The following ATE1 variants were observed in gnomAD, a reference collection of about 807,000 sequenced individuals.
The protein encoded by ATE1 is arginyl-tRNA--protein transferase 1.
Under a neutral mutation model 70.5 loss-of-function variants are expected in ATE1, and 36 were observed. The ratio of observed to expected loss-of-function variants is 0.51; its 90% CI spans 0.39 to 0.67. The LOEUF (loss-of-function observed/expected upper bound fraction) is 0.67. ATE1 is among the 30% of genes least tolerant of loss of function. The pLI is 0.00. For synonymous variants in ATE1, 232 were observed against 219.3 expected, an observed-to-expected ratio of 1.06 and a Z score of -0.51; for missense variants, 593 against 629.5, an observed-to-expected ratio of 0.94 and a Z score of 0.62.
chr10:121,885,636 G>C (rs1431753462), intron 7 of ATE1, among the ~76,000 whole-genome samples: 2 of 151,326 alleles, frequency 1.3e-5, no homozygotes. Context: ...CTCACACCTG[G>C]AATCCCAGCA....
Position 121,902,606 on chromosome 10 carries a change from A to G in ATE1, c.598T>C (p.Leu200=), listed in dbSNP as rs371949298. The G allele has an allele frequency of 2.5e-6, 4 of 1,610,350 alleles. No individual in the cohort carries two copies. The Admixed American group carries it at 6.7e-5, about 27-fold the overall frequency. Residue 200 remains leucine, a synonymous_variant, in exon 6 of 12, where the codon TTG becomes CTG. Coordinates refer to ENST00000224652, the MANE Select transcript of ATE1 (RefSeq NM_001001976.3). ...TVPKPGKGAD[L]SKPPCRKAKE... is the part of the protein sequence containing the mutation. ...GCTTTTCGACATGGAGGCTTACTCA[A>G]ATCAGCCCCTTTGCCTAAAAAGAAT...
Position 121,746,814 on chromosome 10 carries a change from T to C in ATE1, c.1379-2956A>G, listed in dbSNP as rs534983490. On this transcript the variant is annotated intron_variant, in intron 11 of 11. Coordinates refer to ENST00000224652, the MANE Select transcript of ATE1 (RefSeq NM_001001976.3). ...AGTCGTTGCTTTCTCTAAAGGGACA[T>C]AAATTAATCAGGAGAAATCATCCAA... Among the ~76,000 whole-genome samples, 17 of 152,046 alleles carry C rather than the reference T, an allele frequency of 1.1e-4. 1 individual carries two copies. The highest frequency in any genetic ancestry group is 3.9e-4 in the African/African-American group (16 of 41,492).
At chr10:121,849,313 C>G (rs780137197) in intron 8 of ATE1, among the ~76,000 whole-genome samples, 1 of 152,134 alleles carries the variant, frequency 6.6e-6, no homozygotes, top group Non-Finnish European at 1.5e-5. Flanking sequence ...ACTTGTTGTA[C>G]CAGCTTGAAA....
intron 7 of ATE1, among the ~76,000 whole-genome samples, chr10:121,887,941 A>G (rs1217118980): frequency 6.6e-6 from 1 of 152,218 alleles, no homozygotes; most frequent in Non-Finnish European, 1.5e-5. Context: ...CCACCTCTCC[A>G]TAATAACTAC....
At chr10:121,886,650 G>A (rs536940242) in intron 7 of ATE1, among the ~76,000 whole-genome samples, 2 of 152,270 alleles carry the variant, frequency 1.3e-5, no homozygotes, top group East Asian at 3.9e-4. Context: ...TTATTTCAAT[G>A]TTTAATATTA....
At chr10:121,833,830 T>C (rs1296222513) in intron 10 of ATE1, among the ~76,000 whole-genome samples, 1 of 152,160 alleles carries the variant, frequency 6.6e-6, no homozygotes, top group Non-Finnish European at 1.5e-5. Flanking sequence ...AATAATTATC[T>C]TTCTAGTTCC....
chr10:121,846,416 T>G (rs1457058752), intron 8 of ATE1, among the ~76,000 whole-genome samples: 1 of 152,150 alleles, frequency 6.6e-6, no homozygotes, highest in African/African-American at 2.4e-5. Flanking sequence ...GGAGCATAAC[T>G]CCCTACTACT....
At chr10:121,928,213 G>T, upstream of ATE1, 1 of 1,331,854 alleles carries the variant, frequency 7.5e-7, no homozygotes, top group South Asian at 1.7e-5. Context: ...GAGACAGAGC[G>T]GGAAGGGAAA....
chr10:121,836,572 G>C (rs963863189), intron 10 of ATE1, 146 bp downstream of exon 10: 8 of 543,748 alleles, frequency 1.5e-5, no homozygotes, highest in Middle Eastern at 4.9e-4. Context: ...ATTACAGAGA[G>C]CTTAATTTCT....
chr10:121,882,228 AT>A (rs1466636616), intron 7 of ATE1, among the ~76,000 whole-genome samples: 1 of 152,230 alleles, frequency 6.6e-6, no homozygotes, highest in Non-Finnish European at 1.5e-5. Flanking sequence ...GCTGATTTTA[AT>A]ATTAAAATGT....
At chr10:121,903,880 A>C (rs1440796814) in intron 5 of ATE1, among the ~76,000 whole-genome samples, 2 of 152,160 alleles carry the variant, frequency 1.3e-5, no homozygotes, top group Non-Finnish European at 2.9e-5. Flanking sequence ...AATACTTAGA[A>C]AAAAACCTGG....
chr10:121,778,984 A>C (rs1454346907), intron 11 of ATE1, among the ~76,000 whole-genome samples: 1 of 152,088 alleles, frequency 6.6e-6, no homozygotes, highest in Non-Finnish European at 1.5e-5. Flanking sequence ...CTTTAATCCT[A>C]CATTAGCTTC....
chr10:121,875,690 ACT>A (rs1950029820), intron 7 of ATE1, among the ~76,000 whole-genome samples: 1 of 152,026 alleles, frequency 6.6e-6, no homozygotes, highest in African/African-American at 2.4e-5. Context: ...CTCCTGAGAC[ACT>A]CTCTAAAAAA....
At chr10:121,825,917 G>A (rs1166735666) in intron 10 of ATE1, among the ~76,000 whole-genome samples, 1 of 152,140 alleles carries the variant, frequency 6.6e-6, no homozygotes, top group African/African-American at 2.4e-5. Flanking sequence ...CCAGGGATTG[G>A]GGCAGCCCAG....
intron 6 of ATE1, among the ~76,000 whole-genome samples, chr10:121,901,182 G>A (rs992733176): frequency 1.4e-4 from 21 of 151,862 alleles, no homozygotes; most frequent in Non-Finnish European, 1.9e-4. Flanking sequence ...CAGGAGAATC[G>A]CTTGAACCCA....
chr10:121,868,358 T>C (rs981560282), intron 8 of ATE1, among the ~76,000 whole-genome samples: 4 of 152,240 alleles, frequency 2.6e-5, no homozygotes, highest in Admixed American at 2.6e-4. Context: ...AGTTACCTTT[T>C]AGCTATATTT....
In ATE1 at chr10:121,913,095, G is replaced by A. The variant is rs1951509982; in HGVS notation, c.337+695C>T. 2.6e-5 allele frequency among the ~76,000 whole-genome samples: 4 copies of A among 152,108 alleles called. 1 individual carries two copies. The highest frequency in any genetic ancestry group is 2.0e-4 in the Admixed American group (3 of 15,262). On this transcript the variant is annotated intron_variant, in intron 4 of 11. Transcript: ENST00000224652. ...AGGGTTTCACCATGTTAACCAGAAT[G>A]GTCTCCATCTCCTGACCTCATGATC...
At chr10:121,924,536 T>A (rs1485244998) in intron 1 of ATE1, among the ~76,000 whole-genome samples, 3 of 151,882 alleles carry the variant, frequency 2.0e-5, no homozygotes, top group African/African-American at 4.8e-5. Flanking sequence ...CCATCTCTAC[T>A]AAAAATACAA....
At chr10:121,873,326 A>G (rs529280692) in intron 7 of ATE1, among the ~76,000 whole-genome samples, 85 of 152,162 alleles carry the variant, frequency 5.6e-4, no homozygotes, top group Non-Finnish European at 1.0e-3. Context: ...AAAATCCTCT[A>G]GGCCTCTAAA....
Sources: gnomAD v4.1 joint callset for allele counts (sites outside exome capture counted in the v4.1 genomes callset) on GRCh38, gnomAD v4.1.1 for gene constraint, MANE v1.5 for transcripts, NCBI Gene and HGNC (gene_info 2026-07-23, HGNC 2026-07-21) for gene names.